NPHP4: variants seen among roughly 807,000 people sequenced by gnomAD.
The protein encoded by NPHP4 is nephrocystin-4.
A neutral mutation model predicts 155.8 loss-of-function variants in NPHP4; 151 were observed. The observed-to-expected ratio is 0.97, with a 90% CI of 0.85 to 1.11. The LOEUF is 1.11. Ranked by LOEUF, NPHP4 falls within the 50% of genes least tolerant of loss-of-function variation. NPHP4 has a pLI of 0.00. For missense variants in NPHP4, 1,956 were observed against 1,925.7 expected, an observed-to-expected ratio of 1.02 and a Z score of -0.29; for synonymous variants, 845 against 816.8, an observed-to-expected ratio of 1.03 and a Z score of -0.59.
intron 9 of NPHP4, among the ~76,000 whole-genome samples, chr1:5,945,904 C>T (rs1351237731): frequency 9.6e-6 from 1 of 104,322 alleles, no homozygotes; most frequent in Non-Finnish European, 2.1e-5. Flanking sequence ...CTGGCATTGT[C>T]CCCCCCCAGG....
chr1:5,942,605 GC>G (rs1646883677), intron 9 of NPHP4, among the ~76,000 whole-genome samples: 1 of 48,372 alleles, frequency 2.1e-5, no homozygotes, highest in Admixed American at 1.9e-4. Context: ...AAAAAAAAAA[GC>G]TGAGGAACTG....
In NPHP4 at chr1:5,867,643, G is replaced by T; in HGVS notation, c.3472+97C>A. 2 of 1,288,668 alleles carry T rather than the reference G, an allele frequency of 1.6e-6. No homozygotes were observed. The allele number at this position is 1,288,668 out of a possible 1,614,324, so 79.8% of individuals were successfully genotyped here. ...CACGTGCTGCTCTGACAGCACCAGG[G>T]CATGAAGCCATGAGGCCATCTGTCA... On this transcript the variant is annotated intron_variant, in intron 24 of 29. Transcript: ENST00000378156. The surrounding 1 kb of genome is among the most constrained non-coding windows in gnomAD (Gnocchi z 4.1).
intron 10 of NPHP4, among the ~76,000 whole-genome samples, chr1:5,931,523 C>CTCCTT (rs1162354885): frequency 2.0e-5 from 3 of 151,782 alleles, no homozygotes; most frequent in African/African-American, 7.3e-5. Flanking sequence ...CACCTAAGGT[C>CTCCTT]AGGAGTTCAA....
chr1:5,904,740 G>C lies in NPHP4; in HGVS notation c.2020C>G (p.Arg674Gly). The change falls in exon 16 of 30, where the codon CGC becomes GGC. Residue 674 changes from arginine to glycine, a missense_variant. Transcript: ENST00000378156. ...KTVYFTFQFY[R>G]FPPATTPRLQ... ...CGTGGCGTCGTTGCGGGTGGGAAGC[G>C]GTAGAACTGGAAGGTGAAATACACA... 6.2e-7 allele frequency: 1 copy of C among 1,613,942 alleles called. No individual in the cohort carries two copies. The highest frequency in any genetic ancestry group is 1.1e-5 in the South Asian group (1 of 91,082).
In NPHP4 at chr1:5,890,463, A is replaced by T. The variant is rs1644062408; in HGVS notation, c.2304+405T>A. Reference sequence around the variant, plus strand: ...CAGAATGAGAAAAGAACAACACGTCACTGACCTTAGGAATCAGGTCACACT... The same window carrying T: ...CAGAATGAGAAAAGAACAACACGTCTCTGACCTTAGGAATCAGGTCACACT... On this transcript the variant is annotated intron_variant, in intron 17 of 29. Transcript: ENST00000378156. This position sits in a 1 kb window ranked among gnomAD's most constrained non-coding sequence, Gnocchi z 4.9. 6.6e-6 allele frequency among the ~76,000 whole-genome samples: 1 copy of T among 152,154 alleles called. No homozygotes were observed. The highest frequency in any genetic ancestry group is 2.1e-4 in the South Asian group (1 of 4,828).
intron 16 of NPHP4, 125 bp downstream of exon 16, chr1:5,904,492 C>G (rs1362660403): frequency 1.4e-6 from 1 of 711,026 alleles, no homozygotes; most frequent in East Asian, 2.8e-5. Flanking sequence ...CACTGGTCAC[C>G]GTATGATTCT....
At chr1:5,984,901 C>T (rs898917060) in intron 2 of NPHP4, among the ~76,000 whole-genome samples, 8 of 152,224 alleles carry the variant, frequency 5.3e-5, no homozygotes, top group African/African-American at 1.9e-4. Context: ...CAGCTAAAGC[C>T]GTCGCCCTGG....
chr1:5,874,424 A>G (rs372612120), intron 22 of NPHP4, 47 bp downstream of exon 22: 287 of 1,453,138 alleles, frequency 2.0e-4, no homozygotes, highest in Non-Finnish European at 2.5e-4. Flanking sequence ...TCAATTTCCC[A>G]CCGTCATCAG....
chr1:5,903,405 G>A (rs1644767440), intron 16 of NPHP4, among the ~76,000 whole-genome samples: 1 of 152,126 alleles, frequency 6.6e-6, no homozygotes, highest in African/African-American at 2.4e-5. Flanking sequence ...TACTTCATTT[G>A]AGGTCAGCAT....
Position 5,874,592 on chromosome 1 carries a change from T to G in NPHP4, c.3110A>C (p.Glu1037Ala), listed in dbSNP as rs200310448. 81 of 1,611,302 alleles carry G rather than the reference T, an allele frequency of 5.0e-5. No individual in the cohort carries two copies. The African/African-American group carries it at 1.0e-3, about 20-fold the overall frequency. ...GCCACGCAGGTGGAACATGTCCTCC[T>G]CCACCGGTGTGTGCAGGCCAGCAGC... is the stretch of plus-strand genomic sequence containing the variant. ...KGAAGLHTPV[E>A]EDMFHLRGSL... Residue 1037 changes from glutamate (E) to alanine (A), a missense_variant, in exon 22 of 30, where the codon GAG becomes GCG. Physicochemically the swap from Glu to Ala is moderately radical, Grantham distance 107. Transcript: ENST00000378156.
intron 9 of NPHP4, among the ~76,000 whole-genome samples, chr1:5,940,295 C>T (rs1466502654): frequency 6.6e-6 from 1 of 152,108 alleles, no homozygotes; most frequent in African/African-American, 2.4e-5. Context: ...TCTCTTTGCC[C>T]TTTCGCTAGG....
Position 5,933,221 on chromosome 1 carries a change from G to A in NPHP4, c.1228C>T (p.Gln410Ter), listed in dbSNP as rs1237376396. ...ADSGRVTLPL[Q>*]GGIQPNPSHC... is the part of the protein sequence containing the mutation. ...GAGGGGTTGGGCTGGATCCCACCCT[G>A]CAGAGGCAGGGTCACCCTTCCAGAA... The change falls in exon 10 of 30, where the codon CAG becomes TAG. Residue 410 changes from glutamine to a stop codon, truncating the protein, a stop_gained. Coordinates refer to ENST00000378156, the MANE Select transcript of NPHP4 (RefSeq NM_015102.5). LOFTEE classifies it high-confidence loss of function. The A allele has an allele frequency of 4.5e-5, 73 of 1,613,798 alleles. No individual in the cohort carries two copies. The highest frequency in any genetic ancestry group is 5.9e-5 in the Non-Finnish European group (70 of 1,179,828).
intron 1 of NPHP4, among the ~76,000 whole-genome samples, chr1:5,989,675 A>G (rs751038534): frequency 6.6e-6 from 1 of 152,214 alleles, no homozygotes; most frequent in East Asian, 1.9e-4. Context: ...GCAGGCCGTG[A>G]TGGCCCCAGG....
rs1643363409 is a variant in NPHP4, at chr1:5,882,259, ATCTCTCAGTGGCGCGCTTACCCAGCCATC to A, written c.2486-2049_2486-2021del. 7 of 119,910 alleles carry A rather than the reference ATCTCTCAGTGGCGCGCTTACCCAGCCATC, an allele frequency of 5.8e-5. No homozygotes were observed. Among genetic ancestry groups the A allele is most frequent in the African/African-American group, 1.9e-4 (6 of 31,016 alleles). The allele number at this position is 119,910 out of a possible 1,614,324, so 7.4% of individuals were successfully genotyped here. ...CTCTCAGTGGCGCGCTTACCCAGCCATCTCTCAGTGGCGCGCTTACCCAGCCATCTCTCAGTGGCGCGCTTACCCAGCCA... is the reference window on the plus strand; with the variant it reads ...CTCTCAGTGGCGCGCTTACCCAGCCATCTCAGTGGCGCGCTTACCCAGCCA... On this transcript the variant is annotated intron_variant, in intron 18 of 29. Transcript: ENST00000378156. This position sits in a 1 kb window ranked among gnomAD's most constrained non-coding sequence, Gnocchi z 5.1.
At chr1:5,964,065 A>C (rs549645847) in intron 5 of NPHP4, among the ~76,000 whole-genome samples, 4 of 152,332 alleles carry the variant, frequency 2.6e-5, no homozygotes, top group Admixed American at 6.5e-5. Flanking sequence ...ATTCCACGAA[A>C]CACCACAGAG....
At chr1:5,940,777 C>CA (rs1300093743) in intron 9 of NPHP4, among the ~76,000 whole-genome samples, 39 of 152,232 alleles carry the variant, frequency 2.6e-4, no homozygotes, top group Middle Eastern at 3.4e-3. Context: ...TTTTTAAAAT[C>CA]ATTCCTGAAA....
At chr1:5,974,445 G>C (rs1377834835) in intron 3 of NPHP4, among the ~76,000 whole-genome samples, 2 of 152,178 alleles carry the variant, frequency 1.3e-5, no homozygotes. Context: ...CAAGGGAAAA[G>C]TATGTCCACC....
chr1:5,922,237 G>A (rs953605690), intron 11 of NPHP4, among the ~76,000 whole-genome samples: 15 of 152,222 alleles, frequency 9.9e-5, no homozygotes, highest in Admixed American at 9.8e-4. Flanking sequence ...AAGGAGCACA[G>A]CCCCGCTGAG....
intron 3 of NPHP4, 150 bp downstream of exon 3, chr1:5,978,120 C>A: frequency 1.4e-6 from 1 of 700,432 alleles, no homozygotes; most frequent in South Asian, 1.9e-5. Context: ...GCGCTTGCCG[C>A]TAGACTAAGC....
Sources: gnomAD v4.1 joint callset for allele counts (sites outside exome capture counted in the v4.1 genomes callset) on GRCh38, gnomAD v4.1.1 for gene constraint, Gnocchi (gnomAD v3.1) non-coding constraint, MANE v1.5 for transcripts, NCBI Gene and HGNC (gene_info 2026-07-23, HGNC 2026-07-21) for gene names.